The following MACROD2 variants were observed in gnomAD, a reference collection of about 807,000 sequenced individuals.
MACROD2 encodes the protein mono-ADP ribosylhydrolase 2.
In MACROD2, 36 loss-of-function variants were observed where a neutral mutation model predicts 70.4. The observed-to-expected ratio is 0.51, with a 90% CI of 0.39 to 0.68. MACROD2 has a LOEUF of 0.68. MACROD2 is among the 30% of genes least tolerant of loss of function. The pLI is 0.00. For missense variants in MACROD2, 496 were observed against 538.4 expected, an observed-to-expected ratio of 0.92 and a Z score of 0.78; for synonymous variants, 172 against 178.8, an observed-to-expected ratio of 0.96 and a Z score of 0.30.
chr20:15,111,448 G>A (rs1167033990), intron 5 of MACROD2, among the ~76,000 whole-genome samples: 1 of 152,000 alleles, frequency 6.6e-6, no homozygotes, highest in Non-Finnish European at 1.5e-5. Context: ...GGGATTACAG[G>A]GGTGAGCCAC....
intron 8 of MACROD2, among the ~76,000 whole-genome samples, chr20:15,839,379 AC>A (rs1474696764): frequency 6.6e-6 from 1 of 152,018 alleles, no homozygotes; most frequent in Non-Finnish European, 1.5e-5. Flanking sequence ...CGATTCCTTG[AC>A]TTTTTCCTTG....
At chr20:15,563,582 A>G (rs981224038) in intron 8 of MACROD2, among the ~76,000 whole-genome samples, 1 of 152,224 alleles carries the variant, frequency 6.6e-6, no homozygotes, top group Non-Finnish European at 1.5e-5. Context: ...TAAAAAGTAT[A>G]TTTCACTTTA....
At chr20:14,011,906 T>G (rs1311705604) in intron 2 of MACROD2, among the ~76,000 whole-genome samples, 2 of 151,872 alleles carry the variant, frequency 1.3e-5, no homozygotes, top group African/African-American at 2.4e-5. Flanking sequence ...CTACTATTAT[T>G]GCGACTTTTC....
At chr20:15,878,488 G>T (rs549475087) in intron 9 of MACROD2, among the ~76,000 whole-genome samples, 1 of 152,138 alleles carries the variant, frequency 6.6e-6, no homozygotes, top group South Asian at 2.1e-4. Flanking sequence ...TGGTGCTGCT[G>T]GTCCAGAGAG....
intron 3 of MACROD2, among the ~76,000 whole-genome samples, chr20:14,296,844 T>C (rs184631238): frequency 1.2e-4 from 19 of 152,084 alleles, no homozygotes; most frequent in Admixed American, 7.9e-4. Flanking sequence ...TTTATTGTCC[T>C]TCACTTTATT....
chr20:15,524,724 ATC>A (rs2047699323), intron 8 of MACROD2, among the ~76,000 whole-genome samples: 1 of 152,190 alleles, frequency 6.6e-6, no homozygotes, highest in East Asian at 1.9e-4. Context: ...TGTACACTTT[ATC>A]TCTCTGCACT....
chr20:15,823,412 C>T (rs2063963087), intron 8 of MACROD2, among the ~76,000 whole-genome samples: 1 of 151,664 alleles, frequency 6.6e-6, no homozygotes, highest in Non-Finnish European at 1.5e-5. Context: ...GACATATCTG[C>T]CAGAAAAATC....
intron 8 of MACROD2, among the ~76,000 whole-genome samples, chr20:15,606,417 G>A (rs1221794499): frequency 2.6e-5 from 4 of 151,960 alleles, no homozygotes; most frequent in East Asian, 1.9e-4. Context: ...TGATTAGTTG[G>A]CGTTCATTTT....
chr20:14,588,794 CA>C (rs1407494806), intron 4 of MACROD2, among the ~76,000 whole-genome samples: 1 of 152,180 alleles, frequency 6.6e-6, no homozygotes, highest in Non-Finnish European at 1.5e-5. Flanking sequence ...ACATGATAAA[CA>C]TTGTACGACA....
chr20:14,881,541 G>A (rs1333902677), intron 5 of MACROD2, among the ~76,000 whole-genome samples: 1 of 151,858 alleles, frequency 6.6e-6, no homozygotes, highest in African/African-American at 2.4e-5. Flanking sequence ...CCCCACACAC[G>A]GCCTCTTCAA....
At chr20:14,766,985 C>G (rs781467910) in intron 5 of MACROD2, among the ~76,000 whole-genome samples, 1 of 152,104 alleles carries the variant, frequency 6.6e-6, no homozygotes, top group Non-Finnish European at 1.5e-5. Context: ...CTGGAATTTT[C>G]TGATCTTCAT....
intron 3 of MACROD2, among the ~76,000 whole-genome samples, chr20:14,102,279 G>C (rs1336101335): frequency 6.6e-6 from 1 of 152,028 alleles, no homozygotes; most frequent in African/African-American, 2.4e-5. Context: ...TGGGATTACA[G>C]GCTTGAGCGA....
rs544990952 is a variant in MACROD2, at chr20:15,650,935, G to A, written c.645+151088G>A. 2.0e-5 allele frequency among the ~76,000 whole-genome samples: 3 copies of A among 152,246 alleles called. No homozygotes were observed. The South Asian group carries it at 6.2e-4, about 32-fold the overall frequency. ...TGATCTTCTTATCCTTATGGAACTGGACATCCTAGCCTTTCTATCTGCTCT... is the reference window on the plus strand; with the variant it reads ...TGATCTTCTTATCCTTATGGAACTGAACATCCTAGCCTTTCTATCTGCTCT... On this transcript the variant is annotated intron_variant, in intron 8 of 17. Transcript: ENST00000684519.
chr20:14,544,053 C>T (rs530336806), intron 4 of MACROD2, among the ~76,000 whole-genome samples: 1 of 152,280 alleles, frequency 6.6e-6, no homozygotes, highest in African/African-American at 2.4e-5. Context: ...AAGGAAGTCT[C>T]CTGCTCCTAT....
At chr20:14,286,681 A>G (rs1326239698) in intron 3 of MACROD2, among the ~76,000 whole-genome samples, 1 of 152,086 alleles carries the variant, frequency 6.6e-6, no homozygotes, top group Non-Finnish European at 1.5e-5. Context: ...GATATAGAGG[A>G]TGTTAATTTG....
intron 5 of MACROD2, among the ~76,000 whole-genome samples, chr20:15,191,295 G>A (rs1226023512): frequency 6.6e-6 from 1 of 152,196 alleles, no homozygotes; most frequent in African/African-American, 2.4e-5. Flanking sequence ...TCACATCTAT[G>A]CACTTCTGGG....
chr20:15,842,138 A>G (rs1600981194), intron 8 of MACROD2, among the ~76,000 whole-genome samples: 1 of 152,208 alleles, frequency 6.6e-6, no homozygotes, highest in Admixed American at 6.5e-5. Context: ...AGAGTGACAC[A>G]AGGCAACATT....
At chr20:14,648,872 T>C (rs1985534646) in intron 4 of MACROD2, among the ~76,000 whole-genome samples, 1 of 152,200 alleles carries the variant, frequency 6.6e-6, no homozygotes, top group Non-Finnish European at 1.5e-5. Context: ...CCTATGCCAG[T>C]TAATCTGTTA....
chr20:14,579,550 C>A (rs1350725866), intron 4 of MACROD2, among the ~76,000 whole-genome samples: 1 of 152,164 alleles, frequency 6.6e-6, no homozygotes, highest in African/African-American at 2.4e-5. Flanking sequence ...GAGGGAAAAA[C>A]CGTTTCGATA....
Sources: allele counts gnomAD v4.1 joint callset (sites outside exome capture counted in the v4.1 genomes callset), GRCh38; gene constraint gnomAD v4.1.1; transcripts MANE v1.5; gene names NCBI Gene and HGNC (gene_info 2026-07-23, HGNC 2026-07-21).